CCL5: variants seen among roughly 807,000 people sequenced by gnomAD.
The protein encoded by CCL5 is C-C motif chemokine ligand 5.
In CCL5, 5 loss-of-function variants were observed where a neutral mutation model predicts 9.0. The observed-to-expected ratio is 0.55, with a 90% CI of 0.29 to 1.16. The LOEUF (loss-of-function observed/expected upper bound fraction) is 1.16. CCL5 is among the 50% of genes most tolerant of loss of function. The pLI, the probability that CCL5 is intolerant of heterozygous loss-of-function variation, is 0.08. For missense variants in CCL5, 183 were observed against 183.2 expected, an observed-to-expected ratio of 1.00 and a Z score of 0.01; for synonymous variants, 66 against 72.0, an observed-to-expected ratio of 0.92 and a Z score of 0.42.
At chr17:35,874,526 C>T (rs962951862) in intron 3 of CCL5, among the ~76,000 whole-genome samples, 1 of 152,156 alleles carries the variant, frequency 6.6e-6, no homozygotes, top group Non-Finnish European at 1.5e-5. Context: ...GTCTCAAATT[C>T]CTGGGCTCAA....
At chr17:35,874,232 T>C (rs1423090128) in intron 3 of CCL5, among the ~76,000 whole-genome samples, 2 of 152,224 alleles carry the variant, frequency 1.3e-5, no homozygotes, top group Non-Finnish European at 2.9e-5. Flanking sequence ...ATACTGGATA[T>C]GTTATTTTAG....
chr17:35,874,650 G>A (rs1318617502), intron 3 of CCL5, among the ~76,000 whole-genome samples: 1 of 151,876 alleles, frequency 6.6e-6, no homozygotes, highest in Non-Finnish European at 1.5e-5. Context: ...TGCTCTTATT[G>A]CCCAGGCTGG....
In CCL5 at chr17:35,872,215, G is replaced by T; in HGVS notation, c.*55C>A. ...TGGGATTACAGGCGTGAGCCACCAC[G>T]TCCAGCCTGGGGAAGGTTTTTGTAA... is the stretch of plus-strand genomic sequence containing the variant. On this transcript the variant is annotated 3_prime_UTR_variant, in exon 4 of 4. Coordinates refer to ENST00000651122, the MANE Select transcript of CCL5 (RefSeq NM_001278736.2). The T allele has an allele frequency of 3.0e-6, 4 of 1,321,988 alleles. No homozygotes were observed. Among genetic ancestry groups the T allele is most frequent in the Non-Finnish European group, 4.0e-6 (4 of 996,948 alleles). 81.9% of individuals were successfully genotyped at this position (1,321,988 alleles called of 1,614,324 possible).
rs41410145 is a variant in CCL5 at position 35,875,175 on chromosome 17, A to G, written c.270+386T>C. On this transcript the variant is annotated intron_variant, in intron 3 of 3. Coordinates refer to ENST00000651122, the MANE Select transcript of CCL5 (RefSeq NM_001278736.2). ...TAATATTTTCATTCTTTCTCTATGC[A>G]TGTATTGGTGTGTCTGTCAAAGTCA... Among the ~76,000 whole-genome samples, 947 of 152,108 alleles carry G rather than the reference A, an allele frequency of 6.2e-3. 10 individuals are homozygous for G. Among genetic ancestry groups the G allele is most frequent in the African/African-American group, 0.017 (717 of 41,478 alleles).
chr17:35,878,176 G>A (rs1380433540), intron 2 of CCL5, among the ~76,000 whole-genome samples: 6 of 151,330 alleles, frequency 4.0e-5, no homozygotes, highest in Middle Eastern at 3.4e-3. Context: ...CCAGCTACTC[G>A]GGAGGCTGAG....
At chr17:35,879,426 A>G (rs988019672) in intron 1 of CCL5, among the ~76,000 whole-genome samples, 1 of 152,116 alleles carries the variant, frequency 6.6e-6, no homozygotes, top group Non-Finnish European at 1.5e-5. Flanking sequence ...CGAGGTCAAG[A>G]GATCGAGACC....
At chr17:35,872,599 G>T in intron 3 of CCL5, 135 bp from the exon 3 acceptor site, 1 of 703,462 alleles carries the variant, frequency 1.4e-6, no homozygotes, top group East Asian at 2.6e-5. Context: ...AGCTCCATAA[G>T]ATTTTATTTG....
At position 35,880,356 on chromosome 17, in the gene CCL5, G is replaced by A. The variant is rs2088501524; in HGVS notation, c.-51C>T. On this transcript the variant is annotated 5_prime_UTR_variant, in exon 1 of 4. Transcript: ENST00000651122. ...GGTCCACGTGCTGTCTTGATCCTCT[G>A]CAGGAATCCTCTGCAGCTCAGGCTG... is the stretch of plus-strand genomic sequence containing the variant. 1 of 1,477,406 alleles carries A rather than the reference G, an allele frequency of 6.8e-7. No individual in the cohort carries two copies. Among genetic ancestry groups the A allele is most frequent in the African/African-American group, 1.4e-5 (1 of 72,078 alleles). 91.5% of individuals were successfully genotyped at this position (1,477,406 alleles called of 1,614,324 possible). A position where few individuals can be genotyped will look rare whatever the true frequency, so the allele number is the denominator to read the frequency against.
chr17:35,875,446 T>C (rs2088430031), intron 3 of CCL5: 2 of 282,276 alleles, frequency 7.1e-6, no homozygotes, highest in Admixed American at 6.5e-5. Flanking sequence ...CCATCTCTTT[T>C]TCTCCCACCC....
At chr17:35,880,142 G>T in intron 1 of CCL5, 88 bp downstream of exon 1, 2 of 980,410 alleles carry the variant, frequency 2.0e-6, no homozygotes, top group Non-Finnish European at 3.3e-6. Context: ...TGAAAAGAGG[G>T]CAAGGTGTGG....
intron 1 of CCL5, 106 bp downstream of exon 1, chr17:35,880,124 G>A: frequency 2.4e-6 from 2 of 823,958 alleles, no homozygotes; most frequent in Non-Finnish European, 4.2e-6. Flanking sequence ...CAGTATTCAT[G>A]CTACAGTTGA....
At chr17:35,878,889 C>T (rs2088477836) in intron 1 of CCL5, among the ~76,000 whole-genome samples, 2 of 152,166 alleles carry the variant, frequency 1.3e-5, no homozygotes, top group South Asian at 4.1e-4. Context: ...CCTGGGCTTT[C>T]AGGGCCTCCT....
At chr17:35,873,335 C>A (rs2088399555) in intron 3 of CCL5, among the ~76,000 whole-genome samples, 1 of 151,980 alleles carries the variant, frequency 6.6e-6, no homozygotes, top group Non-Finnish European at 1.5e-5. Context: ...CTATAGGCGC[C>A]CCCCACCACG....
chr17:35,878,187 G>A (rs1175869017), intron 2 of CCL5, among the ~76,000 whole-genome samples: 1 of 150,502 alleles, frequency 6.6e-6, no homozygotes, highest in Non-Finnish European at 1.5e-5. Context: ...GGAGGCTGAG[G>A]CAGGAGAATG....
At chr17:35,878,715 T>C in intron 1 of CCL5, 76 bp from the exon 2 acceptor site, 1 of 824,610 alleles carries the variant, frequency 1.2e-6, no homozygotes, top group Non-Finnish European at 2.0e-6. Context: ...GGACACTTTA[T>C]ATGATTTATT....
chr17:35,874,015 G>C (rs896995604), intron 3 of CCL5, among the ~76,000 whole-genome samples: 5 of 152,152 alleles, frequency 3.3e-5, no homozygotes, highest in Non-Finnish European at 7.3e-5. Context: ...GGTCAGTCCA[G>C]CTGCCTGCCT....
In CCL5 at chr17:35,871,965, A is replaced by G. The variant is rs1598620171; in HGVS notation, c.*305T>C. The G allele has an allele frequency of 1.6e-5, 2 of 124,762 alleles. No individual in the cohort carries two copies. Among genetic ancestry groups the G allele is most frequent in the African/African-American group, 6.5e-5 (2 of 30,990 alleles). 7.7% of individuals were successfully genotyped at this position (124,762 alleles called of 1,614,324 possible). A position where few individuals can be genotyped will look rare whatever the true frequency, so the allele number is the denominator to read the frequency against. On this transcript the variant is annotated 3_prime_UTR_variant, in exon 4 of 4. Coordinates refer to ENST00000651122, the MANE Select transcript of CCL5 (RefSeq NM_001278736.2). ...GAGACGGAGTCTCGCTCTGTCGCCCAGGCTGGAGTGCAGTGGCGCGATCTC... is the reference window on the plus strand; with the variant it reads ...GAGACGGAGTCTCGCTCTGTCGCCCGGGCTGGAGTGCAGTGGCGCGATCTC...
At chr17:35,875,287 AC>A (rs2088428116) in intron 3 of CCL5, among the ~76,000 whole-genome samples, 1 of 152,216 alleles carries the variant, frequency 6.6e-6, no homozygotes, top group Admixed American at 6.5e-5. Flanking sequence ...CATAAAATTT[AC>A]CATCGTAACC....
chr17:35,873,465 G>A (rs956792348), intron 3 of CCL5, among the ~76,000 whole-genome samples: 7 of 152,202 alleles, frequency 4.6e-5, no homozygotes, highest in East Asian at 1.9e-4. Flanking sequence ...GGGATTACAG[G>A]CATGAGCCAC....
Sources: allele counts gnomAD v4.1 joint callset (sites outside exome capture counted in the v4.1 genomes callset), GRCh38; gene constraint gnomAD v4.1.1; transcripts MANE v1.5; gene names NCBI Gene and HGNC (gene_info 2026-07-23, HGNC 2026-07-21).